The following CA10 variants were observed in gnomAD, a reference collection of about 807,000 sequenced individuals.
The protein encoded by CA10 is carbonic anhydrase-related protein 10.
In CA10, 14 loss-of-function variants were observed where a neutral mutation model predicts 44.2. The observed-to-expected ratio is 0.32, with a 90% CI of 0.21 to 0.50. The LOEUF (loss-of-function observed/expected upper bound fraction) is 0.50, where lower values mean the gene tolerates loss of function less well. CA10 is among the 20% of genes least tolerant of loss of function. CA10 has a pLI of 0.99. For synonymous variants in CA10, 159 were observed against 141.6 expected, an observed-to-expected ratio of 1.12 and a Z score of -0.87; for missense variants, 350 against 409.7, an observed-to-expected ratio of 0.85 and a Z score of 1.26.
At chr17:52,060,989 A>G (rs1004955118) in intron 2 of CA10, among the ~76,000 whole-genome samples, 1 of 152,162 alleles carries the variant, frequency 6.6e-6, no homozygotes, top group Non-Finnish European at 1.5e-5. Context: ...ACTGACAACT[A>G]TAAAATCATA....
chr17:51,833,165 A>C (rs1034708331), intron 3 of CA10, among the ~76,000 whole-genome samples: 57 of 152,120 alleles, frequency 3.7e-4, no homozygotes, highest in African/African-American at 1.2e-3. Flanking sequence ...ATGACGATGA[A>C]GTCCTCCAGG....
At chr17:52,085,519 C>G (rs1165448101) in intron 1 of CA10, among the ~76,000 whole-genome samples, 1 of 152,178 alleles carries the variant, frequency 6.6e-6, no homozygotes, top group East Asian at 1.9e-4. Context: ...TTCAATGACT[C>G]CCTATTGGTT....
At chr17:51,894,134 G>A (rs1245311052) in intron 3 of CA10, among the ~76,000 whole-genome samples, 1 of 152,046 alleles carries the variant, frequency 6.6e-6, no homozygotes, top group East Asian at 1.9e-4. Flanking sequence ...CATTGACTGA[G>A]AATATCAAAA....
intron 4 of CA10, among the ~76,000 whole-genome samples, chr17:51,694,919 T>C (rs1456471299): frequency 1.3e-5 from 2 of 152,196 alleles, no homozygotes; most frequent in Non-Finnish European, 2.9e-5. Flanking sequence ...AGGAAGTCCT[T>C]TTCTCATTGC....
intron 3 of CA10, among the ~76,000 whole-genome samples, chr17:51,785,239 G>C (rs949802321): frequency 2.6e-5 from 4 of 152,182 alleles, no homozygotes; most frequent in African/African-American, 4.8e-5. Flanking sequence ...ACAAACATGA[G>C]AGTGTAGATG....
chr17:52,095,178 G>A (rs1456060348), intron 1 of CA10, among the ~76,000 whole-genome samples: 1 of 152,124 alleles, frequency 6.6e-6, no homozygotes, highest in Admixed American at 6.5e-5. Flanking sequence ...ACATAGGTGA[G>A]TCTCAGGTTG....
intron 3 of CA10, among the ~76,000 whole-genome samples, chr17:51,828,491 A>C (rs1908115497): frequency 6.6e-6 from 1 of 152,102 alleles, no homozygotes; most frequent in African/African-American, 2.4e-5. Context: ...CCCTACTCTT[A>C]ATGTTTTATG....
intron 1 of CA10, among the ~76,000 whole-genome samples, chr17:52,112,296 G>A (rs1988803579): frequency 6.6e-6 from 1 of 152,092 alleles, no homozygotes; most frequent in South Asian, 2.1e-4. Flanking sequence ...ATTTTGGAAA[G>A]GAATATAGCT....
chr17:51,866,224 C>T (rs535429326), intron 3 of CA10, among the ~76,000 whole-genome samples: 1 of 152,158 alleles, frequency 6.6e-6, no homozygotes, highest in East Asian at 1.9e-4. Context: ...CAACAATGCC[C>T]CAGGAAGGTA....
At chr17:52,071,103 G>T (rs545555972) in intron 2 of CA10, among the ~76,000 whole-genome samples, 29 of 152,190 alleles carry the variant, frequency 1.9e-4, no homozygotes, top group African/African-American at 6.7e-4. Flanking sequence ...TGTCAATATT[G>T]TTTCACATGA....
chr17:51,841,464 C>T (rs1978319224), intron 3 of CA10, among the ~76,000 whole-genome samples: 1 of 152,224 alleles, frequency 6.6e-6, no homozygotes, highest in African/African-American at 2.4e-5. Flanking sequence ...TTCTGGTGCA[C>T]ATCTGGCTCC....
chr17:51,773,135 GT>G (rs1372523060), intron 3 of CA10, among the ~76,000 whole-genome samples: 2 of 152,170 alleles, frequency 1.3e-5, no homozygotes, highest in Non-Finnish European at 2.9e-5. Flanking sequence ...GAGTAACCTA[GT>G]AGAGAAGAGA....
chr17:52,009,175 A>T (rs1291604104), intron 2 of CA10, among the ~76,000 whole-genome samples: 2 of 151,906 alleles, frequency 1.3e-5, no homozygotes, highest in African/African-American at 4.8e-5. Context: ...ACTGGAAATA[A>T]TTCAATTTTG....
intron 3 of CA10, among the ~76,000 whole-genome samples, chr17:51,830,236 AAAGTC>A (rs1221142673): frequency 1.3e-5 from 2 of 151,806 alleles, no homozygotes; most frequent in African/African-American, 4.8e-5. Flanking sequence ...AAAAAAGAAA[AAAGTC>A]AAGAGAGTAT....
At chr17:51,744,872 C>T (rs1567825095) in intron 4 of CA10, among the ~76,000 whole-genome samples, 1 of 152,186 alleles carries the variant, frequency 6.6e-6, no homozygotes, top group Non-Finnish European at 1.5e-5. Context: ...TTGCATATAG[C>T]ATTGTTTCGG....
Position 51,717,529 on chromosome 17 carries a change from G to GTATATA in CA10, c.465+30098_465+30103dup, listed in dbSNP as rs3031848. ...AATCAACAAGTGGATAAAGAAACTG[G>GTATATA]TATATATATATATATATATATATAT... On this transcript the variant is annotated intron_variant, in intron 4 of 8. Transcript: ENST00000451037. Among the ~76,000 whole-genome samples, 342 of 50,156 alleles carry GTATATA rather than the reference G, an allele frequency of 6.8e-3. 8 individuals carry two copies. Among genetic ancestry groups the GTATATA allele is most frequent in the African/African-American group, 0.016 (256 of 16,342 alleles). 32.9% of individuals were successfully genotyped at this position (50,156 alleles called of 152,430 possible). A position where few individuals can be genotyped will look rare whatever the true frequency, so the allele number is the denominator to read the frequency against.
At chr17:52,106,765 C>CT (rs1988670437) in intron 1 of CA10, among the ~76,000 whole-genome samples, 1 of 152,136 alleles carries the variant, frequency 6.6e-6, no homozygotes, top group Non-Finnish European at 1.5e-5. Context: ...TAACTTGGTT[C>CT]TTTGTTTTAT....
At chr17:51,790,719 C>A (rs537258051) in intron 3 of CA10, among the ~76,000 whole-genome samples, 19 of 152,280 alleles carry the variant, frequency 1.2e-4, no homozygotes, top group South Asian at 4.1e-4. Flanking sequence ...ATTCTGTTAC[C>A]ATGACAAGGT....
intron 3 of CA10, among the ~76,000 whole-genome samples, chr17:51,798,635 C>G (rs1270293914): frequency 1.3e-5 from 2 of 152,148 alleles, no homozygotes; most frequent in African/African-American, 4.8e-5. Context: ...GCTAATGCAG[C>G]TTGAGAATTT....
Sources: gnomAD v4.1 joint callset for allele counts (sites outside exome capture counted in the v4.1 genomes callset) on GRCh38, gnomAD v4.1.1 for gene constraint, MANE v1.5 for transcripts, NCBI Gene and HGNC (gene_info 2026-07-23, HGNC 2026-07-21) for gene names.